GUCY2D: variants seen among roughly 807,000 people sequenced by gnomAD.
GUCY2D encodes retinal guanylyl cyclase 1.
GUCY2D carries 70 observed loss-of-function variants against 101.3 expected under a neutral mutation model. That is an observed-to-expected ratio of 0.69 (90% CI 0.57 to 0.84). GUCY2D has a LOEUF of 0.84. Among genes scored for constraint, GUCY2D ranks in the 40% least tolerant of loss-of-function variants. The pLI is 0.00. For missense variants in GUCY2D, 1,460 were observed against 1,542.5 expected, an observed-to-expected ratio of 0.95 and a Z score of 0.90; for synonymous variants, 688 against 670.7, an observed-to-expected ratio of 1.03 and a Z score of -0.40.
At position 8,006,561 on chromosome 17, in the gene GUCY2D, G is replaced by T; in HGVS notation, c.1225G>T (p.Ala409Ser). The part of the protein sequence containing the change: ...EPPFVLLDTD[A>S]AGDRLFATYM... ...CCCATTCGTGCTGCTAGACACGGAC[G>T]CGGCGGGAGACCGGCTTTTTGCCAC... The change falls in exon 4 of 20, where the codon GCG becomes TCG. Residue 409 changes from alanine (A) to serine (S), a missense_variant. Coordinates refer to ENST00000254854, the MANE Select transcript of GUCY2D (RefSeq NM_000180.4). The T allele has an allele frequency of 1.2e-6, 2 of 1,613,274 alleles. No homozygotes were observed. Among genetic ancestry groups the T allele is most frequent in the Non-Finnish European group, 1.7e-6 (2 of 1,180,016 alleles).
Position 8,013,412 on chromosome 17 carries a change from G to A in GUCY2D, c.2263+160G>A, listed in dbSNP as rs556306222. On this transcript the variant is annotated intron_variant, in intron 11 of 19. Transcript: ENST00000254854. The surrounding 1 kb of genome is among the most constrained non-coding windows in gnomAD (Gnocchi z 5.0). ...TCTGCAGGTCTGGGTGCAGAAAGCC[G>A]TGCATGGCCAGGGTGGGGAGCGTGG... is the stretch of plus-strand genomic sequence containing the variant. The A allele has an allele frequency of 4.4e-4, 333 of 752,320 alleles. 4 individuals carry two copies. In the South Asian group the frequency reaches 4.7e-3, roughly 11 times the overall value. 46.6% of individuals were successfully genotyped at this position (752,320 alleles called of 1,614,324 possible). A position where few individuals can be genotyped will look rare whatever the true frequency, so the allele number is the denominator to read the frequency against.
chr17:8,007,236 G>C (rs972853137), intron 5 of GUCY2D, 92 bp downstream of exon 5: 14 of 1,065,042 alleles, frequency 1.3e-5, no homozygotes, highest in Admixed American at 1.2e-4. Context: ...CTCAGGAGTA[G>C]AGGAGGAGAT....
Position 8,003,504 on chromosome 17 carries a change from C to A in GUCY2D, c.457C>A (p.Pro153Thr). ...GATCGCGCTGGTGCCCTGGGGCTGC[C>A]CCTGGACGCAGGCGGAGGGCACCAC... ...AGIALVPWGCPWTQAEGTTAP... is the reference protein window; with the variant it reads ...AGIALVPWGCTWTQAEGTTAP... The change falls in exon 2 of 20, where the codon CCC (proline) becomes ACC (threonine). Residue 153 changes from proline to threonine, a missense_variant. Transcript: ENST00000254854. The A allele has an allele frequency of 1.3e-6, 2 of 1,532,138 alleles. No individual in the cohort carries two copies. The highest frequency in any genetic ancestry group is 1.2e-5 in the South Asian group (1 of 84,188). 94.9% of individuals were successfully genotyped at this position (1,532,138 alleles called of 1,614,324 possible).
rs564809875 is a variant in GUCY2D, at chr17:8,008,833, G to A, written c.1669-673G>A. ...ACTTTCCCCACATTTATTTCCAAAT[G>A]CTCCTTAGGGGTCAGTACTAAACCC... On this transcript the variant is annotated intron_variant, in intron 7 of 19. Coordinates refer to ENST00000254854, the MANE Select transcript of GUCY2D (RefSeq NM_000180.4). 3.9e-5 allele frequency among the ~76,000 whole-genome samples: 6 copies of A among 152,332 alleles called. No homozygotes were observed. The South Asian group carries it at 1.2e-3, about 32-fold the overall frequency.
chr17:8,009,523 G>A lies in GUCY2D; in HGVS notation c.1686G>A (p.Leu562=). 6.2e-7 allele frequency: 1 copy of A among 1,613,428 alleles called. No homozygotes were observed. The highest frequency in any genetic ancestry group is 8.5e-7 in the Non-Finnish European group (1 of 1,179,342). Residue 562 remains leucine (L), a synonymous_variant, in exon 8 of 20, where the codon CTG becomes CTA. Transcript: ENST00000254854. The part of the protein sequence containing the change: ...IGVYEGDRVW[L]KKFPGDQHIA... Reference sequence around the variant, plus strand: ...TGCTGCAGGGAGACAGGGTTTGGCTGAAGAAATTCCCAGGGGATCAGCACA... The same window carrying A: ...TGCTGCAGGGAGACAGGGTTTGGCTAAAGAAATTCCCAGGGGATCAGCACA...
In GUCY2D at chr17:8,012,077, C is replaced by T. The variant is rs867202397; in HGVS notation, c.1750-67C>T. On this transcript the variant is annotated intron_variant, in intron 8 of 19. Coordinates refer to ENST00000254854, the MANE Select transcript of GUCY2D (RefSeq NM_000180.4). ...TGGGTCTGGATACTCAAAAACAGAT[C>T]TTGATTAACAGCCCCTTCCCCACAT... is the stretch of plus-strand genomic sequence containing the variant. 5.3e-5 allele frequency: 59 copies of T among 1,119,520 alleles called. No individual in the cohort carries two copies. The African/African-American group carries it at 7.5e-4, about 14-fold the overall frequency. 69.3% of individuals were successfully genotyped at this position (1,119,520 alleles called of 1,614,324 possible).
rs149866657 is a variant in GUCY2D at position 8,014,645 on chromosome 17, G to A, written c.2457G>A (p.Ser819=). 3.7e-5 allele frequency: 60 copies of A among 1,614,058 alleles called. No homozygotes were observed. Among genetic ancestry groups the A allele is most frequent in the Non-Finnish European group, 4.9e-5 (58 of 1,179,950 alleles). ...GCCGGAAGACGAACATCATTGACTC[G>A]ATGCTTCGGATGCTGGAGCAGTACT... ...NKGRKTNIID[S]MLRMLEQYSS... Residue 819 remains serine (S), a synonymous_variant, in exon 13 of 20, where the codon TCG becomes TCA. Transcript: ENST00000254854. The surrounding 1 kb of genome is among the most constrained non-coding windows in gnomAD (Gnocchi z 4.0).
intron 15 of GUCY2D, 82 bp downstream of exon 15, chr17:8,015,584 A>G: frequency 1.5e-6 from 2 of 1,350,868 alleles, no homozygotes; most frequent in Non-Finnish European, 2.1e-6. Context: ...GAGGCAACTC[A>G]TGGAGCGGGG....
chr17:8,015,435 C>A lies in GUCY2D; in HGVS notation c.2877C>A (p.Ala959=), dbSNP rs1314415204. The A allele has an allele frequency of 3.7e-6, 6 of 1,613,742 alleles. No homozygotes were observed. Among genetic ancestry groups the A allele is most frequent in the Non-Finnish European group, 5.1e-6 (6 of 1,179,906 alleles). Residue 959 remains alanine (A), a synonymous_variant, in exon 15 of 20, where the codon GCC becomes GCA. Transcript: ENST00000254854. Reference sequence around the variant, plus strand: ...ACATGTCACTGGACATCCTCAGTGCCGTGGGCACTTTCCGCATGCGCCATA... The same window carrying A: ...ACATGTCACTGGACATCCTCAGTGCAGTGGGCACTTTCCGCATGCGCCATA... ...IANMSLDILS[A]VGTFRMRHMP...
intron 4 of GUCY2D, 45 bp downstream of exon 4, chr17:8,006,759 C>A: frequency 2.0e-6 from 3 of 1,471,980 alleles, no homozygotes; most frequent in Non-Finnish European, 2.8e-6. Flanking sequence ...TCGCCATGGA[C>A]CATCCACAAA....
At chr17:8,007,024 C>A (rs371908939) in intron 4 of GUCY2D, 36 bp from the exon 5 acceptor site, 4 of 1,543,672 alleles carry the variant, frequency 2.6e-6, no homozygotes, top group East Asian at 4.5e-5. Flanking sequence ...CCCCTGGCAT[C>A]GCTCCTCAGT....
intron 19 of GUCY2D, among the ~76,000 whole-genome samples, chr17:8,018,348 C>T (rs1044700737): frequency 2.0e-5 from 3 of 152,174 alleles, no homozygotes; most frequent in African/African-American, 4.8e-5. Flanking sequence ...CAGGGCCCCA[C>T]CCCAGACCTG....
At position 8,004,035 on chromosome 17, in the gene GUCY2D, G is replaced by T. The variant is rs745897683; in HGVS notation, c.905G>T (p.Arg302Leu). ...LAALANSSQL[R>L]RAHDAVLTLT... Reference sequence around the variant, plus strand: ...GCACTCGCCAACAGCTCCCAGCTTCGCAGGGCCCACGATGCCGTGCTCACC... The same window carrying T: ...GCACTCGCCAACAGCTCCCAGCTTCTCAGGGCCCACGATGCCGTGCTCACC... Residue 302 changes from arginine to leucine, a missense_variant, in exon 3 of 20, where the codon CGC becomes CTC. Transcript: ENST00000254854. The T allele has an allele frequency of 1.9e-6, 3 of 1,611,508 alleles. No individual in the cohort carries two copies. The highest frequency in any genetic ancestry group is 1.7e-6 in the Non-Finnish European group (2 of 1,179,924).
In GUCY2D at chr17:8,006,354, C is replaced by T; in HGVS notation, c.1027-9C>T. ...CCCCGACCTCTGAGCCCCTACTCTC[C>T]TTCTCCAGGTCTCCCCACTCTTTGG... On this transcript the variant is annotated splice_polypyrimidine_tract_variant and intron_variant, in intron 3 of 19. Transcript: ENST00000254854. 1 of 1,597,636 alleles carries T rather than the reference C, an allele frequency of 6.3e-7. No individual in the cohort carries two copies. The highest frequency in any genetic ancestry group is 8.5e-7 in the Non-Finnish European group (1 of 1,177,836).
rs1413394994 is a variant in GUCY2D at position 8,003,658 on chromosome 17, C to T, written c.611C>T (p.Ala204Val). The change falls in exon 2 of 20, where the codon GCA becomes GTA. Residue 204 changes from alanine to valine, a missense_variant. Around this residue, in one of 3 missense-constraint regions of GUCY2D, gnomAD observed 1,196 missense variants for 1,229.6 expected, o/e 0.97. Transcript: ENST00000254854. ...GAGGCGGGACGCTCACTGTCCACGG[C>T]ACTCAGGGCCCGGGGCCTGCCTGTC... ...WVEAGRSLST[A>V]LRARGLPVAS... The T allele has an allele frequency of 6.3e-7, 1 of 1,595,292 alleles. No individual in the cohort carries two copies. Among genetic ancestry groups the T allele is most frequent in the Non-Finnish European group, 8.5e-7 (1 of 1,178,212 alleles).
intron 4 of GUCY2D, 64 bp downstream of exon 4, chr17:8,006,778 A>G (rs773348446): frequency 2.2e-6 from 3 of 1,364,930 alleles, no homozygotes; most frequent in East Asian, 2.5e-5. Flanking sequence ...AAGTGATGAA[A>G]GAGAGTGGAC....
At chr17:8,009,447 G>T (rs1975806581) in intron 7 of GUCY2D, 59 bp from the exon 8 acceptor site, 1 of 1,053,204 alleles carries the variant, frequency 9.5e-7, no homozygotes, top group Non-Finnish European at 1.5e-6. Flanking sequence ...GGGTTCTAGG[G>T]CTCCCCATCG....
chr17:8,015,496 C>A lies in GUCY2D; in HGVS notation c.2938C>A (p.His980Asn). Reference sequence around the variant, plus strand: ...TCCCGTGCGCATCCGCATAGGCCTGCACTCGGGTAACTCCCGGGTCTTCCC... The same window carrying A: ...TCCCGTGCGCATCCGCATAGGCCTGAACTCGGGTAACTCCCGGGTCTTCCC... Reference protein sequence around the residue: ...EVPVRIRIGLHSGPCVAGVVG... With the variant: ...EVPVRIRIGLNSGPCVAGVVG... The change falls in exon 15 of 20, where the codon CAC becomes AAC. Residue 980 changes from histidine (H) to asparagine (N), a missense_variant. This residue lies in a region of GUCY2D where 215 missense variants were observed against 227.9 expected (regional missense o/e 0.94). Transcript: ENST00000254854. 1 of 1,611,270 alleles carries A rather than the reference C, an allele frequency of 6.2e-7. No homozygotes were observed. Among genetic ancestry groups the A allele is most frequent in the Non-Finnish European group, 8.5e-7 (1 of 1,179,270 alleles).
Position 8,013,545 on chromosome 17 carries a change from G to A in GUCY2D, c.2263+293G>A. On this transcript the variant is annotated intron_variant, in intron 11 of 19. Coordinates refer to ENST00000254854, the MANE Select transcript of GUCY2D (RefSeq NM_000180.4). The surrounding 1 kb of genome is among the most constrained non-coding windows in gnomAD (Gnocchi z 5.0). ...TCTCTGTTCTCAGGGGTCCCTGGGA[G>A]GAGCAGGGGAGGGGGAGTGGGTGCA... is the stretch of plus-strand genomic sequence containing the variant. 1 of 575,054 alleles carries A rather than the reference G, an allele frequency of 1.7e-6. No homozygotes were observed. Among genetic ancestry groups the A allele is most frequent in the South Asian group, 2.0e-5 (1 of 49,202 alleles). The allele number at this position is 575,054 out of a possible 1,614,324, so 35.6% of individuals were successfully genotyped here. A position where few individuals can be genotyped will look rare whatever the true frequency, so the allele number is the denominator to read the frequency against.
Sources: allele counts gnomAD v4.1 joint callset (sites outside exome capture counted in the v4.1 genomes callset), GRCh38; gene constraint gnomAD v4.1.1; regional missense constraint gnomAD v4.1.1; non-coding constraint Gnocchi (gnomAD v3.1); transcripts MANE v1.5; gene names NCBI Gene and HGNC (gene_info 2026-07-23, HGNC 2026-07-21).